Variants in CELSR1 observed in about 807,000 individuals in gnomAD.
CELSR1 encodes adhesion G protein-coupled receptor C1.
In CELSR1, 110 loss-of-function variants were observed where a neutral mutation model predicts 249.1. That is an observed-to-expected ratio of 0.44 (90% confidence interval 0.38 to 0.52). The LOEUF (loss-of-function observed/expected upper bound fraction) is 0.52. CELSR1 is among the 20% of genes least tolerant of loss of function. The pLI is 0.00. For synonymous variants in CELSR1, 2,113 were observed against 1,900.0 expected (o/e 1.11, Z -2.92); for missense variants, 4,109 against 4,296.4 (o/e 0.96, Z 1.22).
At position 46,365,600 on chromosome 22, in the gene CELSR1, C is replaced by G. The variant is rs12165943; in HGVS notation, c.8390G>C (p.Cys2797Ser). 0.23 allele frequency: 358,310 copies of G among 1,590,028 alleles called. 53,858 individuals are homozygous for G. Among genetic ancestry groups the G allele is most frequent in the African/African-American group, 0.76 (56,050 of 74,220 alleles). Residue 2797 changes from cysteine to serine, a missense_variant, in exon 31 of 35, where the codon TGC (cysteine) becomes TCC (serine). This residue lies in a region of CELSR1 where 1,805 missense variants were observed against 1,831.6 expected (regional missense o/e 0.99). Coordinates refer to ENST00000674500, the MANE Select transcript of CELSR1 (RefSeq NM_001378328.1). Reference sequence around the variant, plus strand: ...GGAAGCCATACCAGGGGGATCCTTGCAGCTCCTGGGCATGAGGGACGCGTC... The same window carrying G: ...GGAAGCCATACCAGGGGGATCCTTGGAGCTCCTGGGCATGAGGGACGCGTC... ...EPDASLMPRS[C>S]KDPPGHDSDS...
Position 46,435,013 on chromosome 22 carries a change from C to CA in CELSR1, c.4522+1160dup, listed in dbSNP as rs540242367. Among the ~76,000 whole-genome samples, 705 of 145,590 alleles carry CA rather than the reference C, an allele frequency of 4.8e-3. 11 individuals are homozygous for CA. The highest frequency in any genetic ancestry group is 0.015 in the African/African-American group (605 of 39,760). Reference sequence around the variant, plus strand: ...CTTTGTCTCAAAAGAAGAACAAAAACAAAAAAAAAAGTCATGTGTGCCAGA... The same window carrying CA: ...CTTTGTCTCAAAAGAAGAACAAAAACAAAAAAAAAAAGTCATGTGTGCCAGA... On this transcript the variant is annotated intron_variant, in intron 4 of 34. Transcript: ENST00000674500.
At chr22:46,519,903 C>T (rs1208191720) in intron 1 of CELSR1, among the ~76,000 whole-genome samples, 4 of 140,666 alleles carry the variant, frequency 2.8e-5, no homozygotes, top group South Asian at 2.2e-4. Context: ...GACAGAGTTT[C>T]GCTCATCGCC....
chr22:46,522,862 C>T (rs1458274502), intron 1 of CELSR1, among the ~76,000 whole-genome samples: 3 of 152,232 alleles, frequency 2.0e-5, no homozygotes, highest in Non-Finnish European at 2.9e-5. Context: ...GAGAACAGCC[C>T]AGGCCTCATC....
rs2147215027 is a variant in CELSR1, at chr22:46,380,648, G to GC, written c.7256+139dup. On this transcript the variant is annotated intron_variant, in intron 22 of 34. Transcript: ENST00000674500. This position sits in a 1 kb window ranked among gnomAD's most constrained non-coding sequence, Gnocchi z 5.1. ...ACAGAAGCAGAGCAGGAGGCTCACT[G>GC]CCCCCACGGGGGACTTAAAGGGGAA... The GC allele has an allele frequency of 2.2e-6, 2 of 922,902 alleles. No homozygotes were observed. Among genetic ancestry groups the GC allele is most frequent in the Non-Finnish European group, 3.3e-6 (2 of 614,558 alleles). 57.2% of individuals were successfully genotyped at this position (922,902 alleles called of 1,614,324 possible).
chr22:46,371,811 C>T (rs1181132599), intron 25 of CELSR1, among the ~76,000 whole-genome samples: 2 of 150,188 alleles, frequency 1.3e-5, no homozygotes, highest in East Asian at 4.0e-4. Context: ...CATCCATCCA[C>T]TCACTCATCT....
rs28378100 is a variant in CELSR1 at position 46,387,037 on chromosome 22, C to T, written c.6556-452G>A. Among the ~76,000 whole-genome samples, 323 of 152,192 alleles carry T rather than the reference C, an allele frequency of 2.1e-3. 3 individuals carry two copies. Among genetic ancestry groups the T allele is most frequent in the African/African-American group, 6.3e-3 (263 of 41,524 alleles). ...CCTCCCAAAGTGCTGGGATTACAGG[C>T]GTGAGCCACCACGCCTGGCCTAGTT... On this transcript the variant is annotated intron_variant, in intron 18 of 34. Transcript: ENST00000674500.
intron 2 of CELSR1, among the ~76,000 whole-genome samples, chr22:46,457,095 A>G (rs2079964098): frequency 6.6e-6 from 1 of 152,090 alleles, no homozygotes. Context: ...TACAGGGCCC[A>G]CAGCACTTTG....
Position 46,440,211 on chromosome 22 carries a change from A to C in CELSR1, c.4184-800T>G, listed in dbSNP as rs922643334. Among the ~76,000 whole-genome samples, 4 of 152,116 alleles carry C rather than the reference A, an allele frequency of 2.6e-5. No homozygotes were observed. The highest frequency in any genetic ancestry group is 1.5e-5 in the Non-Finnish European group (1 of 68,012). On this transcript the variant is annotated intron_variant, in intron 2 of 34. Transcript: ENST00000674500. This position sits in a 1 kb window ranked among gnomAD's most constrained non-coding sequence, Gnocchi z 4.7. ...TGCTCGGAGGGTCTCAGTGTTCGCC[A>C]TGCTTCGACCCAGTTGTTCCTGGAC...
rs1320013500 is a variant in CELSR1 at position 46,536,651 on chromosome 22, G to A, written c.520C>T (p.Pro174Ser). 1.7e-6 allele frequency: 2 copies of A among 1,167,662 alleles called. No homozygotes were observed. Among genetic ancestry groups the A allele is most frequent in the Non-Finnish European group, 2.1e-6 (2 of 948,768 alleles). The allele number at this position is 1,167,662 out of a possible 1,614,324, so 72.3% of individuals were successfully genotyped here. ...PRCPGRPICLPPGGSVRLRLL... is the reference protein window; with the variant it reads ...PRCPGRPICLSPGGSVRLRLL... Reference sequence around the variant, plus strand: ...CGCAGGCGGACCGAGCCGCCCGGCGGCAGGCAGATGGGACGGCCGGGACAG... The same window carrying A: ...CGCAGGCGGACCGAGCCGCCCGGCGACAGGCAGATGGGACGGCCGGGACAG... Residue 174 changes from proline (P) to serine (S), a missense_variant, in exon 1 of 35, where the codon CCG becomes TCG. Pro to Ser is a moderately conservative substitution (Grantham distance 74). This residue lies in a region of CELSR1 where 673 missense variants were observed against 636.8 expected (regional missense o/e 1.06). Transcript: ENST00000674500.
Position 46,533,821 on chromosome 22 carries a change from T to C in CELSR1, c.3350A>G (p.Asn1117Ser). The change falls in exon 1 of 35, where the codon AAC becomes AGC. Residue 1117 changes from asparagine (N) to serine (S), a missense_variant. Physicochemically the swap from Asn to Ser is conservative, Grantham distance 46. Transcript: ENST00000674500. ...LFNNYVTNKS[N>S]SFPTGVIGCI... ...GCCGATCACGCCGGTGGGGAAACTGTTGGACTTGTTGGTGACATAGTTGTT... is the reference window on the plus strand; with the variant it reads ...GCCGATCACGCCGGTGGGGAAACTGCTGGACTTGTTGGTGACATAGTTGTT... 1.2e-6 allele frequency: 2 copies of C among 1,613,826 alleles called. No individual in the cohort carries two copies. The highest frequency in any genetic ancestry group is 1.7e-6 in the Non-Finnish European group (2 of 1,180,014).
intron 2 of CELSR1, among the ~76,000 whole-genome samples, chr22:46,452,745 C>A (rs923786049): frequency 2.6e-5 from 4 of 152,208 alleles, no homozygotes; most frequent in Non-Finnish European, 5.9e-5. Flanking sequence ...GGTGGTGGGT[C>A]CTACCTAGAG....
At chr22:46,370,270 C>T in intron 25 of CELSR1, 1 of 393,062 alleles carries the variant, frequency 2.5e-6, no homozygotes, top group Non-Finnish European at 5.1e-6. Context: ...GTGAGGAACG[C>T]ATATACCCCC....
chr22:46,536,307 G>A lies in CELSR1; in HGVS notation c.864C>T (p.Phe288=), dbSNP rs146081380. 1.9e-6 allele frequency: 3 copies of A among 1,612,548 alleles called. No homozygotes were observed. The highest frequency in any genetic ancestry group is 2.5e-6 in the Non-Finnish European group (3 of 1,179,928). Residue 288 remains phenylalanine, a synonymous_variant, in exon 1 of 35, where the codon TTC becomes TTT. Transcript: ENST00000674500. ...ERVSYYMEGL[F]DERSRGYFRI... ...GGAAGTAGCCCCGGGAGCGCTCGTCGAACAGCCCCTCCATGTAATAGCTCA... is the reference window on the plus strand; with the variant it reads ...GGAAGTAGCCCCGGGAGCGCTCGTCAAACAGCCCCTCCATGTAATAGCTCA...
intron 20 of CELSR1, 78 bp downstream of exon 20, chr22:46,384,465 C>CG (rs916414064): frequency 8.8e-6 from 13 of 1,470,418 alleles, no homozygotes; most frequent in Non-Finnish European, 1.0e-5. Context: ...GCAGGTCCTG[C>CG]GATGCCCGCA....
intron 18 of CELSR1, among the ~76,000 whole-genome samples, chr22:46,388,274 G>A (rs143152381): frequency 0.019 from 2,900 of 152,024 alleles, 92 homozygotes; most frequent in African/African-American, 0.066. Context: ...GCTTGAACCC[G>A]GGAGGTGGAG....
rs1321087616 is a variant in CELSR1, at chr22:46,398,808, C to G, written c.5413-171G>C. Among the ~76,000 whole-genome samples the G allele has an allele frequency of 6.6e-6, 1 of 152,242 alleles. No homozygotes were observed. The highest frequency in any genetic ancestry group is 2.4e-5 in the African/African-American group (1 of 41,476). The stretch of plus-strand genomic sequence containing the variant: ...AGCTGGGCCCAGCTGGACAGCGAGG[C>G]TGGCTGTGATGACCAGGGCGAGGGG... On this transcript the variant is annotated intron_variant, in intron 10 of 34. Transcript: ENST00000674500. This position sits in a 1 kb window ranked among gnomAD's most constrained non-coding sequence, Gnocchi z 7.2.
intron 1 of CELSR1, among the ~76,000 whole-genome samples, chr22:46,515,404 CAT>C (rs1462866638): frequency 6.6e-6 from 1 of 152,234 alleles, no homozygotes; most frequent in Non-Finnish European, 1.5e-5. Context: ...AAGGTTTGCA[CAT>C]GTTTCATCAG....
At chr22:46,513,327 G>A (rs927731778) in intron 1 of CELSR1, among the ~76,000 whole-genome samples, 27 of 152,106 alleles carry the variant, frequency 1.8e-4, no homozygotes, top group African/African-American at 6.5e-4. Flanking sequence ...GTGTGCAAGA[G>A]GATTAAAAAT....
intron 1 of CELSR1, chr22:46,530,550 T>C (rs2080781354): frequency 6.6e-6 from 1 of 152,196 alleles, no homozygotes; most frequent in African/African-American, 2.4e-5. Context: ...AAAAAGTTCC[T>C]ATCACAGAAT....
Sources: allele counts gnomAD v4.1 joint callset (sites outside exome capture counted in the v4.1 genomes callset), GRCh38; gene constraint gnomAD v4.1.1; regional missense constraint gnomAD v4.1.1; non-coding constraint Gnocchi (gnomAD v3.1); transcripts MANE v1.5; gene names NCBI Gene and HGNC (gene_info 2026-07-23, HGNC 2026-07-21).